TRRAP: variants seen among roughly 807,000 people sequenced by gnomAD.
TRRAP encodes transformation/transcription domain-associated protein.
In TRRAP, 41 loss-of-function variants were observed where a neutral mutation model predicts 438.8. That is an observed-to-expected ratio of 0.09 (90% CI 0.07 to 0.12). TRRAP has a LOEUF of 0.12. Ranked by LOEUF, TRRAP falls within the 10% of genes least tolerant of loss-of-function variation. TRRAP has a pLI of 1.00. For missense variants in TRRAP, 3,122 were observed against 5,055.1 expected (o/e 0.62, Z 11.60); for synonymous variants, 1,994 against 1,962.9 (o/e 1.02, Z -0.42).
intron 43 of TRRAP, among the ~76,000 whole-genome samples, chr7:98,957,675 C>G (rs1224990766): frequency 2.6e-5 from 4 of 152,188 alleles, no homozygotes; most frequent in African/African-American, 9.7e-5. Flanking sequence ...TGGGAGCTGT[C>G]TCTCTTCTTT....
At chr7:98,929,753 C>G (rs1434677273) in intron 23 of TRRAP, among the ~76,000 whole-genome samples, 1 of 152,112 alleles carries the variant, frequency 6.6e-6, no homozygotes, top group Admixed American at 6.5e-5. Context: ...GCCACCATGC[C>G]TGGCTAATTT....
At chr7:98,981,602 T>G (rs1792921707) in intron 58 of TRRAP, among the ~76,000 whole-genome samples, 167 bp from the exon 59 acceptor site, 1 of 152,166 alleles carries the variant, frequency 6.6e-6, no homozygotes, top group South Asian at 2.1e-4. Context: ...CAGAAAAGAC[T>G]GTGTAAACGC....
In TRRAP at chr7:98,959,543, A is replaced by G; in HGVS notation, c.6489+53A>G. 2.5e-6 allele frequency: 4 copies of G among 1,583,136 alleles called. No homozygotes were observed. The South Asian group carries it at 4.7e-5, about 18-fold the overall frequency. On this transcript the variant is annotated intron_variant, in intron 45 of 72. Transcript: ENST00000456197. ...GCAGCGCCACCGAGGCCACTAGCAG[A>G]TACTGTCACCTGGGCAGGGACTGGA...
intron 70 of TRRAP, among the ~76,000 whole-genome samples, chr7:99,009,216 TTGTG>T (rs1794325410): frequency 6.6e-6 from 1 of 151,830 alleles, no homozygotes; most frequent in African/African-American, 2.4e-5. Flanking sequence ...TTTTGGGGGA[TTGTG>T]TGGGGCACCC....
At chr7:98,970,039 T>A in intron 51 of TRRAP, 73 bp from the exon 52 acceptor site, 1 of 1,555,756 alleles carries the variant, frequency 6.4e-7, no homozygotes, top group East Asian at 2.3e-5. Flanking sequence ...GAGGGGCATC[T>A]GGGAGAGAAG....
rs544712091 is a variant in TRRAP at position 98,927,067 on chromosome 7, A to C, written c.2976-100A>C. On this transcript the variant is annotated intron_variant, in intron 22 of 72. Coordinates refer to ENST00000456197, the MANE Select transcript of TRRAP (RefSeq NM_001375524.1). ...TAAATTACCCAGGCCTGTCTGAATA[A>C]GAGGGAAGCAAGCAGATTAAAAATT... The C allele has an allele frequency of 3.0e-4, 388 of 1,302,910 alleles. 6 individuals are homozygous for C. The South Asian group carries it at 5.0e-3, about 17-fold the overall frequency. 80.7% of individuals were successfully genotyped at this position (1,302,910 alleles called of 1,614,324 possible). A position where few individuals can be genotyped will look rare whatever the true frequency, so the allele number is the denominator to read the frequency against.
At position 99,009,741 on chromosome 7, in the gene TRRAP, G is replaced by A. The variant is rs371261362; in HGVS notation, c.10938+1180G>A. 2.1e-4 allele frequency among the ~76,000 whole-genome samples: 32 copies of A among 152,286 alleles called. No individual in the cohort carries two copies. In the East Asian group the frequency reaches 2.3e-3, roughly 11 times the overall value. The stretch of plus-strand genomic sequence containing the variant: ...CTGTTTCTAAACAGCGTGAGTGACC[G>A]ACTAGGCAGTTTGTTCCAGCTTAGC... On this transcript the variant is annotated intron_variant, in intron 70 of 72. Coordinates refer to ENST00000456197, the MANE Select transcript of TRRAP (RefSeq NM_001375524.1).
chr7:98,999,471 T>G, intron 67 of TRRAP: 1 of 806,888 alleles, frequency 1.2e-6, no homozygotes, highest in South Asian at 1.4e-5. Context: ...TTCTCGGCAC[T>G]TTTTCCTGAG....
chr7:98,948,054 C>T lies in TRRAP; in HGVS notation c.4549-167C>T, dbSNP rs980710683. On this transcript the variant is annotated intron_variant, in intron 33 of 72. Transcript: ENST00000456197. The surrounding 1 kb of genome is among the most constrained non-coding windows in gnomAD (Gnocchi z 4.9). ...CAGTCAGTTTCCTTAGGACACAGCA[C>T]AGTTAGAACCTAAGGCTAGTAAGTT... 7.2e-5 allele frequency among the ~76,000 whole-genome samples: 11 copies of T among 152,222 alleles called. No individual in the cohort carries two copies. The highest frequency in any genetic ancestry group is 4.4e-5 in the Non-Finnish European group (3 of 68,046).
chr7:98,901,382 T>C (rs1036628991), intron 11 of TRRAP, among the ~76,000 whole-genome samples: 8 of 152,170 alleles, frequency 5.3e-5, no homozygotes, highest in Admixed American at 3.9e-4. Context: ...TGTGTCCAGA[T>C]ACAGTCACAT....
rs1214037530 is a variant in TRRAP, at chr7:99,005,546, G to A, written c.10753+198G>A. ...GCTCCAGGCCTTCAGGCTTCTCACT[G>A]AGAGATGAGAGCTGTGTCCACCTTT... On this transcript the variant is annotated intron_variant, in intron 69 of 72. Transcript: ENST00000456197. This position sits in a 1 kb window ranked among gnomAD's most constrained non-coding sequence, Gnocchi z 5.1. 2.0e-5 allele frequency among the ~76,000 whole-genome samples: 3 copies of A among 152,220 alleles called. No homozygotes were observed. The highest frequency in any genetic ancestry group is 4.4e-5 in the Non-Finnish European group (3 of 68,030).
chr7:98,923,370 TTCTG>T (rs1196770702), intron 21 of TRRAP, among the ~76,000 whole-genome samples: 1 of 152,200 alleles, frequency 6.6e-6, no homozygotes, highest in Non-Finnish European at 1.5e-5. Flanking sequence ...AAGGCATTCT[TTCTG>T]AGCAGGACGC....
In TRRAP at chr7:98,917,414, C is replaced by T. The variant is rs1789563647; in HGVS notation, c.2366-9C>T. 6.2e-7 allele frequency: 1 copy of T among 1,612,100 alleles called. No individual in the cohort carries two copies. Among genetic ancestry groups the T allele is most frequent in the Non-Finnish European group, 8.5e-7 (1 of 1,178,318 alleles). Reference sequence around the variant, plus strand: ...CTTCCCTCTCTGATAGCTGCACCCCCTTCCCTAGGGCTGAACATGCTTCAG... The same window carrying T: ...CTTCCCTCTCTGATAGCTGCACCCCTTTCCCTAGGGCTGAACATGCTTCAG... On this transcript the variant is annotated splice_polypyrimidine_tract_variant and intron_variant, in intron 19 of 72. Coordinates refer to ENST00000456197, the MANE Select transcript of TRRAP (RefSeq NM_001375524.1).
At chr7:98,970,976 G>A (rs1792390749) in intron 52 of TRRAP, among the ~76,000 whole-genome samples, 1 of 152,066 alleles carries the variant, frequency 6.6e-6, no homozygotes, top group African/African-American at 2.4e-5. Context: ...GATTTTTGTA[G>A]GCTGTATCTC....
At chr7:98,889,090 C>T (rs1255755455) in intron 3 of TRRAP, among the ~76,000 whole-genome samples, 3 of 149,394 alleles carry the variant, frequency 2.0e-5, no homozygotes, top group African/African-American at 7.4e-5. Context: ...GCTATATTGC[C>T]CAGGCTGGCC....
chr7:98,930,935 G>A (rs1173765491), intron 25 of TRRAP, 105 bp downstream of exon 25: 1 of 1,418,988 alleles, frequency 7.0e-7, no homozygotes, highest in Non-Finnish European at 9.6e-7. Context: ...TAGCAGCATG[G>A]TGACTTTGAT....
intron 30 of TRRAP, among the ~76,000 whole-genome samples, chr7:98,940,823 GA>G (rs1790765321): frequency 6.6e-6 from 1 of 152,140 alleles, no homozygotes; most frequent in Non-Finnish European, 1.5e-5. Context: ...AGTGGTAAGG[GA>G]CACACTTTTC....
At chr7:98,981,093 T>C (rs1562970006) in intron 58 of TRRAP, among the ~76,000 whole-genome samples, 1 of 151,572 alleles carries the variant, frequency 6.6e-6, no homozygotes, top group Non-Finnish European at 1.5e-5. Context: ...GATTAATATA[T>C]ATATAACAGC....
intron 17 of TRRAP, 148 bp downstream of exon 17, chr7:98,911,419 T>G: frequency 1.3e-6 from 1 of 798,572 alleles, no homozygotes; most frequent in South Asian, 2.1e-5. Context: ...TAGGCCATAA[T>G]GTCTTGAAAC....
Sources: gnomAD v4.1 joint callset for allele counts (sites outside exome capture counted in the v4.1 genomes callset) on GRCh38, gnomAD v4.1.1 for gene constraint, Gnocchi (gnomAD v3.1) non-coding constraint, MANE v1.5 for transcripts, NCBI Gene and HGNC (gene_info 2026-07-23, HGNC 2026-07-21) for gene names.